GMDS: variants seen among roughly 807,000 people sequenced by gnomAD.
GMDS encodes GDP-mannose 4,6 dehydratase.
GMDS carries 20 observed loss-of-function variants against 49.9 expected under a neutral mutation model. The observed-to-expected ratio is 0.40, with a 90% CI of 0.28 to 0.58. The LOEUF (loss-of-function observed/expected upper bound fraction) is 0.58. Ranked by LOEUF, GMDS falls within the 20% of genes least tolerant of loss-of-function variation. GMDS has a pLI of 0.42. For synonymous variants in GMDS, 177 were observed against 178.6 expected, an observed-to-expected ratio of 0.99 and a Z score of 0.07; for missense variants, 362 against 481.4, an observed-to-expected ratio of 0.75 and a Z score of 2.32.
chr6:2,105,096 G>A (rs1274384982), intron 4 of GMDS, among the ~76,000 whole-genome samples: 1 of 150,350 alleles, frequency 6.7e-6, no homozygotes, highest in Non-Finnish European at 1.5e-5. Context: ...GCTGGAGAAT[G>A]GCGTGAACCC....
At chr6:1,865,633 A>G (rs943733207) in intron 7 of GMDS, among the ~76,000 whole-genome samples, 3 of 152,152 alleles carry the variant, frequency 2.0e-5, no homozygotes, top group Admixed American at 6.5e-5. Context: ...AAAAAGAAAA[A>G]AAGAACGAAA....
chr6:2,137,881 A>T (rs1306148368), intron 1 of GMDS, among the ~76,000 whole-genome samples: 1 of 152,228 alleles, frequency 6.6e-6, no homozygotes, highest in African/African-American at 2.4e-5. Context: ...TTTAACTACT[A>T]GTATGTGTCA....
chr6:2,142,099 AT>A (rs1776327547), intron 1 of GMDS, among the ~76,000 whole-genome samples: 1 of 152,120 alleles, frequency 6.6e-6, no homozygotes, highest in South Asian at 2.1e-4. Flanking sequence ...AGACCTTACT[AT>A]TTAAGTTTTA....
At chr6:2,074,669 T>C (rs1178484540) in intron 4 of GMDS, among the ~76,000 whole-genome samples, 2 of 152,148 alleles carry the variant, frequency 1.3e-5, no homozygotes, top group Non-Finnish European at 2.9e-5. Flanking sequence ...TTTAAAAAAT[T>C]AATTATTTAT....
chr6:2,124,794 T>C, intron 1 of GMDS, 63 bp from the exon 2 acceptor site: 1 of 1,257,092 alleles, frequency 8.0e-7, no homozygotes, highest in Non-Finnish European at 1.2e-6. Flanking sequence ...GTGGTCTAGA[T>C]GAAGAGTTTT....
chr6:1,667,756 G>GTAT (rs1439793174), intron 9 of GMDS, among the ~76,000 whole-genome samples: 1 of 143,700 alleles, frequency 7.0e-6, no homozygotes, highest in Non-Finnish European at 1.5e-5. Context: ...TAATATATTT[G>GTAT]TATTATTTTT....
At chr6:2,084,009 G>A (rs892160766) in intron 4 of GMDS, among the ~76,000 whole-genome samples, 1 of 152,096 alleles carries the variant, frequency 6.6e-6, no homozygotes. Context: ...ACAGTTCTGG[G>A]CAGAGAAAAC....
intron 7 of GMDS, among the ~76,000 whole-genome samples, chr6:1,800,773 T>C (rs1048209317): frequency 2.0e-5 from 3 of 152,114 alleles, no homozygotes; most frequent in Non-Finnish European, 4.4e-5. Context: ...ACAGTTATCA[T>C]CAGCTCCTTA....
chr6:2,106,887 G>A (rs1231796746), intron 4 of GMDS, among the ~76,000 whole-genome samples: 2 of 150,360 alleles, frequency 1.3e-5, no homozygotes, highest in Admixed American at 1.3e-4. Context: ...AAAAGGAAAA[G>A]TTTTACTCAC....
At chr6:1,829,913 C>G (rs549312533) in intron 7 of GMDS, among the ~76,000 whole-genome samples, 47 of 152,288 alleles carry the variant, frequency 3.1e-4, no homozygotes, top group South Asian at 2.7e-3. Flanking sequence ...TGCCTCTTGC[C>G]TCAGCCTAAT....
chr6:1,668,237 T>C (rs1021784626), intron 9 of GMDS, among the ~76,000 whole-genome samples: 2 of 152,232 alleles, frequency 1.3e-5, no homozygotes, highest in African/African-American at 4.8e-5. Context: ...AGTTTCCAAA[T>C]AAGTAGGATA....
intron 7 of GMDS, among the ~76,000 whole-genome samples, chr6:1,812,414 G>A (rs992583160): frequency 2.6e-5 from 4 of 152,146 alleles, no homozygotes; most frequent in African/African-American, 7.2e-5. Context: ...ATTTAGAAAA[G>A]TAGAGCAAAC....
At chr6:2,122,424 AC>A (rs1020599039) in intron 2 of GMDS, among the ~76,000 whole-genome samples, 4 of 151,616 alleles carry the variant, frequency 2.6e-5, no homozygotes, top group African/African-American at 9.7e-5. Flanking sequence ...ACTGCCCCCC[AC>A]CCCGAGTTCA....
chr6:1,903,270 T>C (rs924775085), intron 7 of GMDS, among the ~76,000 whole-genome samples: 1 of 152,178 alleles, frequency 6.6e-6, no homozygotes, highest in Non-Finnish European at 1.5e-5. Flanking sequence ...CGATATAGGG[T>C]TTTGAATTAT....
chr6:2,242,150 G>C (rs1331374425), intron 1 of GMDS, among the ~76,000 whole-genome samples: 1 of 152,214 alleles, frequency 6.6e-6, no homozygotes, highest in Non-Finnish European at 1.5e-5. Context: ...ATTAGGCTGA[G>C]AACACTGAGA....
chr6:2,110,629 G>T (rs967770696), intron 4 of GMDS, among the ~76,000 whole-genome samples: 1 of 152,130 alleles, frequency 6.6e-6, no homozygotes, highest in African/African-American at 2.4e-5. Flanking sequence ...GTCAGAATCT[G>T]CTAACTTGTC....
At chr6:1,681,271 G>A (rs888608118) in intron 9 of GMDS, among the ~76,000 whole-genome samples, 7 of 152,034 alleles carry the variant, frequency 4.6e-5, no homozygotes, top group East Asian at 1.9e-4. Context: ...GCCAAGACAC[G>A]CTGGTACTTG....
chr6:2,068,889 C>T (rs1363715554), intron 4 of GMDS, among the ~76,000 whole-genome samples: 1 of 152,150 alleles, frequency 6.6e-6, no homozygotes, highest in Non-Finnish European at 1.5e-5. Context: ...CTACCAATGA[C>T]TCTCTTCACA....
At chr6:2,204,747 T>A (rs1287458661) in intron 1 of GMDS, among the ~76,000 whole-genome samples, 2 of 152,210 alleles carry the variant, frequency 1.3e-5, no homozygotes, top group African/African-American at 4.8e-5. Context: ...CCTTTATCAC[T>A]GATGGTTTTG....
Sources: gnomAD v4.1 joint callset for allele counts (sites outside exome capture counted in the v4.1 genomes callset) on GRCh38, gnomAD v4.1.1 for gene constraint, MANE v1.5 for transcripts, NCBI Gene and HGNC (gene_info 2026-07-23, HGNC 2026-07-21) for gene names.